The following QKI variants were observed in gnomAD, a reference collection of about 807,000 sequenced individuals.
QKI encodes the protein QKI, KH domain containing RNA binding.
A neutral mutation model predicts 39.0 loss-of-function variants in QKI; 10 were observed. The ratio of observed to expected loss-of-function variants is 0.26; its 90% confidence interval spans 0.16 to 0.43. The LOEUF is 0.43. Ranked by LOEUF, QKI falls within the 20% of genes least tolerant of loss-of-function variation. The probability of loss-of-function intolerance (pLI) is 1.00; values close to 1 mark genes in which losing one functional copy is unlikely to be tolerated. For missense variants in QKI, 218 were observed against 428.0 expected (o/e 0.51, Z 4.33); for synonymous variants, 204 against 155.4 (o/e 1.31, Z -2.33).
chr6:163,505,838 G>A (rs1483607714), intron 3 of QKI, among the ~76,000 whole-genome samples: 1 of 152,156 alleles, frequency 6.6e-6, no homozygotes, highest in Admixed American at 6.5e-5. Context: ...TATGAAATGT[G>A]AAAAGGACAT....
chr6:163,541,265 CTT>C (rs1303451687), intron 4 of QKI, among the ~76,000 whole-genome samples: 1 of 151,904 alleles, frequency 6.6e-6, no homozygotes, highest in Non-Finnish European at 1.5e-5. Flanking sequence ...ATATTTGAGA[CTT>C]TTCTGTTTAT....
intron 1 of QKI, among the ~76,000 whole-genome samples, chr6:163,423,987 G>C (rs1484496553): frequency 6.6e-6 from 1 of 152,178 alleles, no homozygotes; most frequent in Non-Finnish European, 1.5e-5. Flanking sequence ...ACACCCAGGA[G>C]GTGGATGGTT....
intron 1 of QKI, among the ~76,000 whole-genome samples, chr6:163,415,569 C>A (rs1384675027): frequency 3.3e-5 from 5 of 151,682 alleles, no homozygotes; most frequent in Non-Finnish European, 7.4e-5. Flanking sequence ...GACCCCGCGC[C>A]GCTGGCGTCC....
chr6:163,536,168 TA>T (rs959196572), intron 4 of QKI, among the ~76,000 whole-genome samples: 3 of 152,262 alleles, frequency 2.0e-5, no homozygotes, highest in Non-Finnish European at 4.4e-5. Context: ...TGGTAGATTT[TA>T]TTTTTTTTAA....
At chr6:163,435,846 A>G (rs1044843856) in intron 1 of QKI, among the ~76,000 whole-genome samples, 1 of 152,120 alleles carries the variant, frequency 6.6e-6, no homozygotes, top group Non-Finnish European at 1.5e-5. Context: ...AGTCTTTACT[A>G]TTTTCTATTG....
At chr6:163,541,650 A>G (rs1781528317) in intron 4 of QKI, among the ~76,000 whole-genome samples, 1 of 152,052 alleles carries the variant, frequency 6.6e-6, no homozygotes, top group Admixed American at 6.6e-5. Flanking sequence ...ACATGCATGC[A>G]TATCTATGTA....
chr6:163,465,934 G>A (rs1012269512), intron 2 of QKI, among the ~76,000 whole-genome samples: 5 of 151,810 alleles, frequency 3.3e-5, no homozygotes, highest in Admixed American at 6.6e-5. Context: ...GACCAGCCTG[G>A]CCAACATGGT....
At chr6:163,457,488 A>G in intron 2 of QKI, 2 of 455,764 alleles carry the variant, frequency 4.4e-6, no homozygotes, top group Non-Finnish European at 8.8e-6. Flanking sequence ...CATAGTATCT[A>G]CGCTTTCTGG....
intron 3 of QKI, among the ~76,000 whole-genome samples, chr6:163,508,431 T>C (rs1271252710): frequency 7.2e-5 from 11 of 152,058 alleles, no homozygotes; most frequent in Admixed American, 3.9e-4. Flanking sequence ...AACAATGATA[T>C]GATTAATTGC....
intron 3 of QKI, among the ~76,000 whole-genome samples, chr6:163,485,295 G>A (rs1426861384): frequency 6.6e-6 from 1 of 152,188 alleles, no homozygotes; most frequent in Non-Finnish European, 1.5e-5. Flanking sequence ...TGCAGAGGCC[G>A]TATCCAGGGC....
At chr6:163,427,025 C>T (rs6919442) in intron 1 of QKI, among the ~76,000 whole-genome samples, 5,853 of 152,098 alleles carry the variant, frequency 0.038, 390 homozygotes, top group African/African-American at 0.13. Flanking sequence ...TTCCCTTGTG[C>T]CTTGTCTGCC....
In QKI at chr6:163,455,480, A is replaced by G. The variant is rs959186393; in HGVS notation, c.285+59A>G. Reference sequence around the variant, plus strand: ...TCTGCTTCACATATGTTGGGAAGAGATATATTTGGTGGTAAATACTTAAGC... The same window carrying G: ...TCTGCTTCACATATGTTGGGAAGAGGTATATTTGGTGGTAAATACTTAAGC... On this transcript the variant is annotated intron_variant, in intron 2 of 7. Coordinates refer to ENST00000361752, the MANE Select transcript of QKI (RefSeq NM_006775.3). 2.0e-6 allele frequency: 3 copies of G among 1,473,294 alleles called. No homozygotes were observed. In the African/African-American group the frequency reaches 4.2e-5, roughly 21 times the overall value. The allele number at this position is 1,473,294 out of a possible 1,614,324, so 91.3% of individuals were successfully genotyped here. A position where few individuals can be genotyped will look rare whatever the true frequency, so the allele number is the denominator to read the frequency against.
chr6:163,505,498 C>A (rs1457969682), intron 3 of QKI, among the ~76,000 whole-genome samples: 1 of 152,202 alleles, frequency 6.6e-6, no homozygotes, highest in Non-Finnish European at 1.5e-5. Flanking sequence ...GGGAGCCCAT[C>A]CCTTGCAACA....
intron 6 of QKI, chr6:163,564,361 T>G: frequency 1.7e-6 from 2 of 1,160,026 alleles, no homozygotes; most frequent in East Asian, 4.0e-5. Context: ...GGTATAGCCA[T>G]TATAATCTTA....
In QKI at chr6:163,570,861, A is replaced by G. The variant is rs968535016; in HGVS notation, c.*151A>G. ...CGTTCGTCTTACCATCTAACCAAAC[A>G]AAAGACAAAGAAATTGTTGTCCTCC... On this transcript the variant is annotated 3_prime_UTR_variant, in exon 8 of 8. Transcript: ENST00000361752. 3 of 1,088,050 alleles carry G rather than the reference A, an allele frequency of 2.8e-6. No homozygotes were observed. In the African/African-American group the frequency reaches 4.9e-5, roughly 18 times the overall value. 67.4% of individuals were successfully genotyped at this position (1,088,050 alleles called of 1,614,324 possible).
chr6:163,535,176 GT>G (rs1468776422), intron 4 of QKI, 51 bp downstream of exon 4: 1 of 1,489,384 alleles, frequency 6.7e-7, no homozygotes, highest in Non-Finnish European at 9.0e-7. Context: ...TTTTTTGTCA[GT>G]TTATTTTAAA....
intron 3 of QKI, among the ~76,000 whole-genome samples, chr6:163,500,086 T>C (rs1441682378): frequency 6.6e-6 from 1 of 152,108 alleles, no homozygotes; most frequent in African/African-American, 2.4e-5. Flanking sequence ...GTTGTGAATG[T>C]GATGGGACTG....
intron 3 of QKI, among the ~76,000 whole-genome samples, chr6:163,483,929 G>T (rs1281297508): frequency 6.6e-6 from 1 of 152,102 alleles, no homozygotes; most frequent in African/African-American, 2.4e-5. Flanking sequence ...TAAATAATAA[G>T]GCTTGAAAGT....
intron 3 of QKI, among the ~76,000 whole-genome samples, chr6:163,533,115 G>A (rs1179160800): frequency 1.3e-5 from 2 of 151,460 alleles, no homozygotes; most frequent in African/African-American, 4.9e-5. Flanking sequence ...TACCAGACTA[G>A]TAGCTTTTGT....
Sources: gnomAD v4.1 joint callset for allele counts (sites outside exome capture counted in the v4.1 genomes callset) on GRCh38, gnomAD v4.1.1 for gene constraint, MANE v1.5 for transcripts, NCBI Gene and HGNC (gene_info 2026-07-23, HGNC 2026-07-21) for gene names.